The following SEMA3A variants were observed in gnomAD, a reference collection of about 807,000 sequenced individuals.
SEMA3A encodes the protein semaphorin-3A.
SEMA3A carries 29 observed loss-of-function variants against 97.9 expected under a neutral mutation model. The observed-to-expected ratio is 0.30, with a 90% CI of 0.22 to 0.40. The LOEUF is 0.40. Ranked by LOEUF, SEMA3A falls within the 10% of genes least tolerant of loss-of-function variation. The pLI is 1.00. For missense variants in SEMA3A, 763 were observed against 951.3 expected (o/e 0.80, Z 2.60); for synonymous variants, 321 against 323.7 (o/e 0.99, Z 0.09).
intron 4 of SEMA3A, among the ~76,000 whole-genome samples, chr7:84,096,871 A>G (rs1458892133): frequency 5.3e-5 from 8 of 152,136 alleles, no homozygotes; most frequent in Non-Finnish European, 7.4e-5. Context: ...ATAAATTATT[A>G]TACATTTCTA....
At chr7:84,477,033 G>C in intron 1 of SEMA3A, among the ~76,000 whole-genome samples, 1 of 146,948 alleles carries the variant, frequency 6.8e-6, no homozygotes, top group East Asian at 2.0e-4. Context: ...GTAAAAAGCA[G>C]TATGGTAGAG....
chr7:84,402,175 T>A (rs1803922744), intron 1 of SEMA3A, among the ~76,000 whole-genome samples: 1 of 151,780 alleles, frequency 6.6e-6, no homozygotes, highest in Admixed American at 6.6e-5. Context: ...CAAAACAAAA[T>A]CTAATTTAAA....
intron 15 of SEMA3A, among the ~76,000 whole-genome samples, chr7:83,974,759 T>C (rs1268234860): frequency 1.3e-5 from 2 of 152,028 alleles, no homozygotes; most frequent in African/African-American, 4.8e-5. Flanking sequence ...GTGTATATGG[T>C]TTATGTGTAG....
In SEMA3A at chr7:84,447,908, G is replaced by C. The variant is rs370529082; in HGVS notation, c.-246+44552C>G. ...AAGTTTCCAGGTGCCACCGCATTCC[G>C]CTAGCTCAGACACAGTTGCCCACAG... On this transcript the variant is annotated intron_variant, in intron 1 of 3. Transcript: ENST00000424555. Among the ~76,000 whole-genome samples, 106 of 152,242 alleles carry C rather than the reference G, an allele frequency of 7.0e-4. 1 individual carries two copies. The highest frequency in any genetic ancestry group is 2.4e-3 in the African/African-American group (98 of 41,540).
chr7:84,255,824 A>C (rs2115634869), intron 3 of SEMA3A, among the ~76,000 whole-genome samples: 1 of 152,092 alleles, frequency 6.6e-6, no homozygotes, highest in South Asian at 2.1e-4. Flanking sequence ...TCCTTTAAAC[A>C]ATTGCCAACT....
intron 1 of SEMA3A, among the ~76,000 whole-genome samples, chr7:84,482,844 A>G (rs993935885): frequency 6.7e-6 from 1 of 149,282 alleles, no homozygotes; most frequent in Non-Finnish European, 1.5e-5. Flanking sequence ...AAAAAGTTAC[A>G]TGATAGACTC....
intron 14 of SEMA3A, among the ~76,000 whole-genome samples, chr7:83,980,048 T>G (rs976580063): frequency 6.6e-6 from 1 of 152,202 alleles, no homozygotes; most frequent in African/African-American, 2.4e-5. Context: ...TTCCATTTTA[T>G]ATTTCAATAG....
intron 2 of SEMA3A, among the ~76,000 whole-genome samples, chr7:84,316,243 CA>C (rs1801498331): frequency 6.8e-6 from 1 of 147,074 alleles, no homozygotes; most frequent in African/African-American, 2.5e-5. Context: ...TAAAATTTCT[CA>C]AATTAGAAAG....
At chr7:84,293,771 G>A (rs1800804958) in intron 3 of SEMA3A, among the ~76,000 whole-genome samples, 1 of 151,974 alleles carries the variant, frequency 6.6e-6, no homozygotes, top group South Asian at 2.1e-4. Context: ...AAGAATCCGT[G>A]TAAGGGGAAA....
At chr7:84,001,392 G>A (rs1462120266) in intron 12 of SEMA3A, among the ~76,000 whole-genome samples, 1 of 150,328 alleles carries the variant, frequency 6.7e-6, no homozygotes, top group Non-Finnish European at 1.5e-5. Flanking sequence ...CAGGATAAAG[G>A]GACAAATATA....
chr7:84,294,812 C>T (rs1361641438), intron 3 of SEMA3A, among the ~76,000 whole-genome samples: 1 of 151,924 alleles, frequency 6.6e-6, no homozygotes. Flanking sequence ...ATATACGTGT[C>T]CCCCCACAGA....
chr7:84,454,864 A>C (rs1224437562), intron 1 of SEMA3A, among the ~76,000 whole-genome samples: 1 of 152,024 alleles, frequency 6.6e-6, no homozygotes, highest in African/African-American at 2.4e-5. Flanking sequence ...TAAGAGACTG[A>C]ATAAGCCTAG....
intron 3 of SEMA3A, among the ~76,000 whole-genome samples, chr7:84,251,181 C>T (rs1799598844): frequency 6.6e-6 from 1 of 152,154 alleles, no homozygotes; most frequent in African/African-American, 2.4e-5. Flanking sequence ...TTTCTTTGTT[C>T]TATGCGACTG....
At chr7:84,431,506 T>G (rs981881734) in intron 1 of SEMA3A, among the ~76,000 whole-genome samples, 1 of 151,956 alleles carries the variant, frequency 6.6e-6, no homozygotes, top group Non-Finnish European at 1.5e-5. Flanking sequence ...AAGAGTCAGA[T>G]TTTACTAGAT....
intron 1 of SEMA3A, among the ~76,000 whole-genome samples, chr7:84,484,066 A>G (rs1232957047): frequency 6.6e-6 from 1 of 151,570 alleles, no homozygotes; most frequent in Non-Finnish European, 1.5e-5. Flanking sequence ...AAAAAAAAAA[A>G]GAAAAAATCT....
At chr7:84,413,906 A>G (rs1804351486) in intron 1 of SEMA3A, among the ~76,000 whole-genome samples, 1 of 152,162 alleles carries the variant, frequency 6.6e-6, no homozygotes, top group Admixed American at 6.6e-5. Flanking sequence ...TAGTATCTCA[A>G]TTAATCCTCA....
intron 1 of SEMA3A, among the ~76,000 whole-genome samples, chr7:84,427,648 T>TCA (rs1804861904): frequency 2.6e-4 from 2 of 7,574 alleles, no homozygotes; most frequent in Non-Finnish European, 5.2e-4. Context: ...AGATTCTGTC[T>TCA]CAAAAAAAAA....
intron 1 of SEMA3A, among the ~76,000 whole-genome samples, chr7:84,445,181 A>T (rs974582006): frequency 3.3e-5 from 5 of 151,964 alleles, no homozygotes; most frequent in Admixed American, 6.6e-5. Flanking sequence ...CTCTGACCAC[A>T]CTGGGATGGT....
intron 1 of SEMA3A, among the ~76,000 whole-genome samples, chr7:84,144,084 A>T (rs13222485): frequency 6.6e-6 from 1 of 151,882 alleles, no homozygotes; most frequent in African/African-American, 2.4e-5. Flanking sequence ...TGAATACCAG[A>T]CTATCCCACA....
Sources: allele counts gnomAD v4.1 joint callset (sites outside exome capture counted in the v4.1 genomes callset), GRCh38; gene constraint gnomAD v4.1.1; transcripts MANE v1.5; gene names NCBI Gene and HGNC (gene_info 2026-07-23, HGNC 2026-07-21).